Variants in OSBP2 observed in about 807,000 individuals in gnomAD.
The protein encoded by OSBP2 is oxysterol binding protein 2.
In OSBP2, 66 loss-of-function variants were observed where a neutral mutation model predicts 96.0. The observed-to-expected ratio is 0.69, with a 90% CI of 0.56 to 0.84. OSBP2 has a LOEUF of 0.84. Among genes scored for constraint, OSBP2 ranks in the 40% least tolerant of loss-of-function variants. OSBP2 has a pLI of 0.00. For missense variants in OSBP2, 1,038 were observed against 1,222.7 expected (o/e 0.85, Z 2.25); for synonymous variants, 525 against 520.9 (o/e 1.01, Z -0.11).
At chr22:30,799,917 G>T (rs2090825623) in intron 2 of OSBP2, among the ~76,000 whole-genome samples, 1 of 152,204 alleles carries the variant, frequency 6.6e-6, no homozygotes, top group African/African-American at 2.4e-5. Flanking sequence ...GTGCACATTT[G>T]TCTTTATTGC....
Position 30,695,072 on chromosome 22 carries a change from C to A in OSBP2, c.163C>A (p.Gln55Lys). 2 of 1,583,062 alleles carry A rather than the reference C, an allele frequency of 1.3e-6. No individual in the cohort carries two copies. Among genetic ancestry groups the A allele is most frequent in the Non-Finnish European group, 1.7e-6 (2 of 1,165,756 alleles). Reference protein sequence around the residue: ...GSGPEPKPQPQPVPEPERGPL... With the variant: ...GSGPEPKPQPKPVPEPERGPL... Reference sequence around the variant, plus strand: ...CGGGCCGGAGCCCAAGCCCCAGCCCCAGCCCGTGCCCGAACCGGAGCGGGG... The same window carrying A: ...CGGGCCGGAGCCCAAGCCCCAGCCCAAGCCCGTGCCCGAACCGGAGCGGGG... Residue 55 changes from glutamine to lysine, a missense_variant, in exon 1 of 14, where the codon CAG (glutamine) becomes AAG (lysine). Gln to Lys is a moderately conservative substitution (Grantham distance 53). Around this residue, in one of 3 missense-constraint regions of OSBP2, gnomAD observed 281 missense variants for 273.4 expected, o/e 1.03. Transcript: ENST00000332585.
In OSBP2 at chr22:30,890,996, G is replaced by A. The variant is rs747268731; in HGVS notation, c.1869+23G>A. The stretch of plus-strand genomic sequence containing the variant: ...CAGGTGAGGGGGCTAGGCTGGCACT[G>A]GGTGGCGCCCACCCACACTCTGGCC... On this transcript the variant is annotated intron_variant, in intron 8 of 13. Transcript: ENST00000332585. The surrounding 1 kb of genome is among the most constrained non-coding windows in gnomAD (Gnocchi z 4.4). 2.2e-5 allele frequency: 35 copies of A among 1,593,940 alleles called. No homozygotes were observed. Among genetic ancestry groups the A allele is most frequent in the Non-Finnish European group, 2.9e-5 (34 of 1,174,500 alleles).
At chr22:30,720,081 C>T (rs1000924485) in intron 1 of OSBP2, among the ~76,000 whole-genome samples, 1 of 152,232 alleles carries the variant, frequency 6.6e-6, no homozygotes, top group African/African-American at 2.4e-5. Context: ...CCTCTGTCCT[C>T]ATTGGGATAT....
At chr22:30,864,601 C>T (rs767378843) in intron 2 of OSBP2, among the ~76,000 whole-genome samples, 3 of 152,100 alleles carry the variant, frequency 2.0e-5, no homozygotes, top group Non-Finnish European at 2.9e-5. Flanking sequence ...TCCTTCCCCG[C>T]CCAGGACCCC....
intron 2 of OSBP2, among the ~76,000 whole-genome samples, chr22:30,806,579 C>T (rs1385268623): frequency 6.6e-6 from 1 of 152,146 alleles, no homozygotes; most frequent in East Asian, 1.9e-4. Flanking sequence ...GAGCTTGAGG[C>T]CCAGAGAGGA....
intron 2 of OSBP2, among the ~76,000 whole-genome samples, chr22:30,764,566 C>T (rs1191567343): frequency 6.6e-6 from 1 of 152,086 alleles, no homozygotes; most frequent in Non-Finnish European, 1.5e-5. Context: ...TCCTCTCTTC[C>T]CGTTTGAAGG....
chr22:30,696,512 T>C (rs2089039371), intron 1 of OSBP2, among the ~76,000 whole-genome samples: 1 of 152,186 alleles, frequency 6.6e-6, no homozygotes, highest in Middle Eastern at 3.2e-3. Flanking sequence ...GTGATGCTGG[T>C]CCAGGACCAC....
At chr22:30,825,998 C>T (rs1481596108) in intron 2 of OSBP2, among the ~76,000 whole-genome samples, 2 of 152,162 alleles carry the variant, frequency 1.3e-5, no homozygotes, top group Non-Finnish European at 2.9e-5. Context: ...AGGTTCTTTG[C>T]ACAGACCCCC....
chr22:30,843,551 G>A (rs771310762), intron 2 of OSBP2, among the ~76,000 whole-genome samples: 5 of 151,632 alleles, frequency 3.3e-5, no homozygotes, highest in Admixed American at 6.6e-5. Context: ...TCCATTTATA[G>A]AGCATAGGCC....
intron 2 of OSBP2, among the ~76,000 whole-genome samples, chr22:30,788,090 C>T (rs941773653): frequency 6.6e-6 from 1 of 152,162 alleles, no homozygotes; most frequent in Non-Finnish European, 1.5e-5. Flanking sequence ...TAACCTCCCC[C>T]ATCTTCAGTT....
intron 2 of OSBP2, among the ~76,000 whole-genome samples, chr22:30,798,055 A>C (rs978264424): frequency 1.8e-4 from 28 of 152,136 alleles, no homozygotes; most frequent in Admixed American, 2.0e-4. Flanking sequence ...ATTCCCACCA[A>C]CGCTGAGTTT....
chr22:30,893,813 A>G lies in OSBP2; in HGVS notation c.2191-4A>G. Reference sequence around the variant, plus strand: ...ACCTACGCTGGTCCTGCCAATGTCCACAGGTGACAGGAGTGGTGAGTGACA... The same window carrying G: ...ACCTACGCTGGTCCTGCCAATGTCCGCAGGTGACAGGAGTGGTGAGTGACA... On this transcript the variant is annotated splice_polypyrimidine_tract_variant and splice_region_variant and intron_variant, in intron 11 of 13. Coordinates refer to ENST00000332585, the MANE Select transcript of OSBP2 (RefSeq NM_030758.4). The G allele has an allele frequency of 6.3e-7, 1 of 1,597,720 alleles. No individual in the cohort carries two copies. Among genetic ancestry groups the G allele is most frequent in the Non-Finnish European group, 8.5e-7 (1 of 1,171,882 alleles).
intron 3 of OSBP2, among the ~76,000 whole-genome samples, chr22:30,884,783 A>G (rs1352985328): frequency 2.0e-5 from 3 of 151,850 alleles, no homozygotes; most frequent in African/African-American, 7.3e-5. Context: ...GCCTCAGGAC[A>G]CCCCCGTCTC....
At chr22:30,814,324 A>G (rs2091052538) in intron 2 of OSBP2, among the ~76,000 whole-genome samples, 1 of 150,830 alleles carries the variant, frequency 6.6e-6, no homozygotes, top group South Asian at 2.1e-4. Flanking sequence ...CTTTCTTGCT[A>G]TGTCCTCACA....
At chr22:30,755,802 G>A (rs1269881436) in intron 2 of OSBP2, among the ~76,000 whole-genome samples, 4 of 152,142 alleles carry the variant, frequency 2.6e-5, no homozygotes, top group Non-Finnish European at 4.4e-5. Context: ...CCTCTTCAGC[G>A]TTCCCCTCCC....
At chr22:30,805,242 A>G (rs186956570) in intron 2 of OSBP2, among the ~76,000 whole-genome samples, 32 of 152,380 alleles carry the variant, frequency 2.1e-4, no homozygotes, top group East Asian at 1.9e-3. Flanking sequence ...CATGAAAAAT[A>G]TGAACACTAT....
In OSBP2 at chr22:30,738,017, T is replaced by C. The variant is rs145780201; in HGVS notation, c.645-3144T>C. 6.0e-4 allele frequency among the ~76,000 whole-genome samples: 91 copies of C among 151,630 alleles called. No individual in the cohort carries two copies. The East Asian group carries it at 8.0e-3, about 13-fold the overall frequency. Reference sequence around the variant, plus strand: ...GTGAGCCACCGTGCACGGCTGAGACTCTAAATCCTTAACGTAGCCTACAAG... The same window carrying C: ...GTGAGCCACCGTGCACGGCTGAGACCCTAAATCCTTAACGTAGCCTACAAG... On this transcript the variant is annotated intron_variant, in intron 1 of 13. Transcript: ENST00000332585.
chr22:30,709,262 A>G (rs2089306387), intron 1 of OSBP2, among the ~76,000 whole-genome samples: 1 of 149,172 alleles, frequency 6.7e-6, no homozygotes, highest in African/African-American at 2.5e-5. Context: ...TTTTGGATAC[A>G]TTTGTTTGTA....
At chr22:30,902,704 G>T in intron 12 of OSBP2, 1 of 509,058 alleles carries the variant, frequency 2.0e-6, no homozygotes, top group East Asian at 4.3e-5. Flanking sequence ...GCCCCTCAAT[G>T]AAGTAGCCGA....
Sources: allele counts gnomAD v4.1 joint callset (sites outside exome capture counted in the v4.1 genomes callset), GRCh38; gene constraint gnomAD v4.1.1; regional missense constraint gnomAD v4.1.1; non-coding constraint Gnocchi (gnomAD v3.1); transcripts MANE v1.5; gene names NCBI Gene and HGNC (gene_info 2026-07-23, HGNC 2026-07-21).